Variants in ARHGEF10L observed in about 807,000 individuals in gnomAD.
The protein encoded by ARHGEF10L is rho guanine nucleotide exchange factor 10-like protein.
ARHGEF10L carries 69 observed loss-of-function variants against 141.2 expected under a neutral mutation model. That is an observed-to-expected ratio of 0.49 (90% CI 0.40 to 0.60). The LOEUF (loss-of-function observed/expected upper bound fraction) is 0.60, where lower values mean the gene tolerates loss of function less well. Among genes scored for constraint, ARHGEF10L ranks in the 20% least tolerant of loss-of-function variants. ARHGEF10L has a pLI of 0.00. For synonymous variants in ARHGEF10L, 711 were observed against 718.5 expected, an observed-to-expected ratio of 0.99 and a Z score of 0.17; for missense variants, 1,482 against 1,734.3, an observed-to-expected ratio of 0.85 and a Z score of 2.58.
rs895534486 is a variant in ARHGEF10L at position 17,673,706 on chromosome 1, A to G, written c.3009+9111A>G. On this transcript the variant is annotated intron_variant, in intron 26 of 28. Coordinates refer to ENST00000361221, the MANE Select transcript of ARHGEF10L (RefSeq NM_018125.4). This position sits in a 1 kb window ranked among gnomAD's most constrained non-coding sequence, Gnocchi z 4.1. ...GCATGCCTTGTCTGAGTGGGCTTGGATGGTGGTCAGTGTGGGCTCAGGGGC... is the reference window on the plus strand; with the variant it reads ...GCATGCCTTGTCTGAGTGGGCTTGGGTGGTGGTCAGTGTGGGCTCAGGGGC... Among the ~76,000 whole-genome samples, 2 of 152,066 alleles carry G rather than the reference A, an allele frequency of 1.3e-5. No homozygotes were observed. The highest frequency in any genetic ancestry group is 4.8e-5 in the African/African-American group (2 of 41,398).
Position 17,627,248 on chromosome 1 carries a change from G to T in ARHGEF10L, c.1411-82G>T. 3 of 1,535,494 alleles carry T rather than the reference G, an allele frequency of 2.0e-6. No individual in the cohort carries two copies. Among genetic ancestry groups the T allele is most frequent in the East Asian group, 2.3e-5 (1 of 44,200 alleles). On this transcript the variant is annotated intron_variant, in intron 14 of 28. Transcript: ENST00000361221. This position sits in a 1 kb window ranked among gnomAD's most constrained non-coding sequence, Gnocchi z 4.0. ...TTTGCAGACCCAGTGTGTGTAGGGG[G>T]TTGCGCAGGGTGAGGCTTTGCCCCA... is the stretch of plus-strand genomic sequence containing the variant.
chr1:17,528,037 T>A, the ARHGEF10L span, among the ~76,000 whole-genome samples: 3 of 151,636 alleles, frequency 2.0e-5, no homozygotes, highest in African/African-American at 7.3e-5. Context: ...CCTGGCTAAT[T>A]TTTGTATTTT....
At chr1:17,694,694 G>A (rs1012921965) in intron 27 of ARHGEF10L, 9 of 342,482 alleles carry the variant, frequency 2.6e-5, no homozygotes, top group African/African-American at 6.5e-5. Flanking sequence ...GATGCCTCTC[G>A]AGCCCCACCC....
chr1:17,581,309 CAAAAAAA>C (rs71014975), intron 2 of ARHGEF10L, among the ~76,000 whole-genome samples: 3 of 69,290 alleles, frequency 4.3e-5, no homozygotes, highest in African/African-American at 1.8e-4. Context: ...AAGACTGTCT[CAAAAAAA>C]AAAAAAAAAA....
chr1:17,646,996 G>A (rs1376112812), intron 21 of ARHGEF10L, among the ~76,000 whole-genome samples: 1 of 152,122 alleles, frequency 6.6e-6, no homozygotes, highest in Admixed American at 6.5e-5. Flanking sequence ...CCTGGCTGCC[G>A]AGCAAAGATG....
intron 7 of ARHGEF10L, among the ~76,000 whole-genome samples, chr1:17,609,230 G>C (rs2059416919): frequency 6.6e-6 from 1 of 152,200 alleles, no homozygotes; most frequent in African/African-American, 2.4e-5. Flanking sequence ...GAGGCATGCT[G>C]GCCGGAGGAA....
At chr1:17,626,604 T>C (rs1221502192) in intron 14 of ARHGEF10L, among the ~76,000 whole-genome samples, 1 of 152,160 alleles carries the variant, frequency 6.6e-6, no homozygotes, top group Non-Finnish European at 1.5e-5. Context: ...TATGTAACCA[T>C]ACCATTTATC....
chr1:17,647,729 G>A (rs1389645689), intron 21 of ARHGEF10L, among the ~76,000 whole-genome samples: 1 of 152,040 alleles, frequency 6.6e-6, no homozygotes, highest in Non-Finnish European at 1.5e-5. Context: ...AGTAAGACAG[G>A]GTCTTTAGAG....
At position 17,623,025 on chromosome 1, in the gene ARHGEF10L, G is replaced by A; in HGVS notation, c.1050G>A (p.Glu350=). The change falls in exon 12 of 29, where the codon GAG becomes GAA. Residue 350 remains glutamate (E), a synonymous_variant. Transcript: ENST00000361221. This position sits in a 1 kb window ranked among gnomAD's most constrained non-coding sequence, Gnocchi z 4.7. ...ACCGCAACCCCCTGATGGAGATGGA[G>A]CCCAAGGCGCTGAGCGCCCGCAAGT... ...QDYRNPLMEM[E]PKALSARKCQ... The A allele has an allele frequency of 6.2e-7, 1 of 1,613,814 alleles. No individual in the cohort carries two copies. Among genetic ancestry groups the A allele is most frequent in the East Asian group, 2.2e-5 (1 of 44,866 alleles).
chr1:17,552,440 C>G (rs2077148701), intron 1 of ARHGEF10L, among the ~76,000 whole-genome samples: 1 of 151,946 alleles, frequency 6.6e-6, no homozygotes, highest in Admixed American at 6.6e-5. Context: ...CACTGTGTCA[C>G]CCGGCTGCAG....
intron 27 of ARHGEF10L, chr1:17,694,724 A>G (rs1211225930): frequency 2.0e-5 from 7 of 353,156 alleles, no homozygotes; most frequent in Non-Finnish European, 3.4e-5. Context: ...TATGCCTTCC[A>G]TCTGCACCAA....
chr1:17,684,633 C>G (rs1257720632), intron 26 of ARHGEF10L, among the ~76,000 whole-genome samples: 1 of 152,206 alleles, frequency 6.6e-6, no homozygotes, highest in South Asian at 2.1e-4. Context: ...CAGCTTGATA[C>G]AAGATTCTGT....
At chr1:17,523,308 C>T in the ARHGEF10L span, among the ~76,000 whole-genome samples, 1 of 152,032 alleles carries the variant, frequency 6.6e-6, no homozygotes, top group African/African-American at 2.4e-5. Context: ...AGGCTGGTCT[C>T]GAACTCCTGG....
rs548087512 is a variant in ARHGEF10L at position 17,614,403 on chromosome 1, C to T, written c.726+1229C>T. ...CACACACTGTGGGAATGGGTGGATTCGGCAGGTGTACTCGGGGACACCTTC... is the reference window on the plus strand; with the variant it reads ...CACACACTGTGGGAATGGGTGGATTTGGCAGGTGTACTCGGGGACACCTTC... On this transcript the variant is annotated intron_variant, in intron 8 of 28. Coordinates refer to ENST00000361221, the MANE Select transcript of ARHGEF10L (RefSeq NM_018125.4). 1.6e-4 allele frequency among the ~76,000 whole-genome samples: 24 copies of T among 152,316 alleles called. No homozygotes were observed. In the South Asian group the frequency reaches 1.9e-3, roughly 12 times the overall value.
At chr1:17,593,192 G>A (rs937853336) in intron 4 of ARHGEF10L, among the ~76,000 whole-genome samples, 5 of 152,206 alleles carry the variant, frequency 3.3e-5, no homozygotes, top group African/African-American at 1.2e-4. Flanking sequence ...GCAGCGGTGG[G>A]ACTCTGCCTC....
chr1:17,557,347 AAAAAAAAAC>A (rs1243435094), intron 1 of ARHGEF10L, among the ~76,000 whole-genome samples: 1 of 150,278 alleles, frequency 6.7e-6, no homozygotes, highest in Non-Finnish European at 1.5e-5. Flanking sequence ...CATCTCAAAA[AAAAAAAAAC>A]AAAAAAAACC....
chr1:17,657,507 G>T (rs1245215042), intron 25 of ARHGEF10L, among the ~76,000 whole-genome samples: 1 of 152,186 alleles, frequency 6.6e-6, no homozygotes, highest in Non-Finnish European at 1.5e-5. Context: ...GAGCCTGAAG[G>T]GCCCGCAGCG....
At chr1:17,635,140 G>T in intron 18 of ARHGEF10L, 124 bp downstream of exon 18, 1 of 1,212,894 alleles carries the variant, frequency 8.2e-7, no homozygotes, top group Non-Finnish European at 1.1e-6. Flanking sequence ...GGGTGGCTTG[G>T]CCAGGAAGCT....
rs781080930 is a variant in ARHGEF10L at position 17,640,263 on chromosome 1, T to A, written c.2233T>A (p.Ser745Thr). 9 of 1,613,286 alleles carry A rather than the reference T, an allele frequency of 5.6e-6. No individual in the cohort carries two copies. Among genetic ancestry groups the A allele is most frequent in the African/African-American group, 1.3e-5 (1 of 74,902 alleles). The change falls in exon 21 of 29, where the codon TCC becomes ACC. Residue 745 changes from serine (S) to threonine (T), a missense_variant. By Grantham distance (58) the Ser-to-Thr change is moderately conservative. Around this residue, in one of 3 missense-constraint regions of ARHGEF10L, gnomAD observed 858 missense variants for 966.3 expected, o/e 0.89. Coordinates refer to ENST00000361221, the MANE Select transcript of ARHGEF10L (RefSeq NM_018125.4). ...FITPNPLSKI[S>T]WVNRLHLAKI... ...CACCCCCAACCCCCTGAGCAAGATT[T>A]CCTGGGTCAACAGGTTACATTTGGC...
Sources: gnomAD v4.1 joint callset for allele counts (sites outside exome capture counted in the v4.1 genomes callset) on GRCh38, gnomAD v4.1.1 for gene constraint, gnomAD v4.1.1 regional missense constraint, Gnocchi (gnomAD v3.1) non-coding constraint, MANE v1.5 for transcripts, NCBI Gene and HGNC (gene_info 2026-07-23, HGNC 2026-07-21) for gene names.